Variants in EYA2 observed in about 807,000 individuals in gnomAD.
EYA2 encodes EYA transcriptional coactivator and phosphatase 2, also known as protein phosphatase EYA2.
Under a neutral mutation model 69.2 loss-of-function variants are expected in EYA2, and 31 were observed. That is an observed-to-expected ratio of 0.45 (90% CI 0.34 to 0.60). The LOEUF (loss-of-function observed/expected upper bound fraction) is 0.60. Among genes scored for constraint, EYA2 ranks in the 20% least tolerant of loss-of-function variants. The pLI, the probability that EYA2 is intolerant of heterozygous loss-of-function variation, is 0.02. For missense variants in EYA2, 622 were observed against 701.2 expected, an observed-to-expected ratio of 0.89 and a Z score of 1.28; for synonymous variants, 257 against 279.4, an observed-to-expected ratio of 0.92 and a Z score of 0.80.
chr20:47,165,773 C>T (rs1226156669), intron 10 of EYA2, among the ~76,000 whole-genome samples: 2 of 152,176 alleles, frequency 1.3e-5, no homozygotes, highest in Non-Finnish European at 1.5e-5. Flanking sequence ...CCAGCAGCCA[C>T]ACTACCCCCT....
chr20:47,014,527 T>C lies in EYA2; in HGVS notation c.299-1654T>C, dbSNP rs139202876. Among the ~76,000 whole-genome samples the C allele has an allele frequency of 1.0e-3, 155 of 152,218 alleles. 1 individual carries two copies. The highest frequency in any genetic ancestry group is 3.7e-3 in the African/African-American group (152 of 41,554). Reference sequence around the variant, plus strand: ...GTCACCTACAATCTAGGGAGCACCATTCAGCAACATCCAAGAAGATTTAAG... The same window carrying C: ...GTCACCTACAATCTAGGGAGCACCACTCAGCAACATCCAAGAAGATTTAAG... On this transcript the variant is annotated intron_variant, in intron 4 of 15. Coordinates refer to ENST00000327619, the MANE Select transcript of EYA2 (RefSeq NM_005244.5).
chr20:47,164,484 G>A (rs1018777377), intron 10 of EYA2, among the ~76,000 whole-genome samples: 2 of 152,142 alleles, frequency 1.3e-5, no homozygotes, highest in African/African-American at 4.8e-5. Flanking sequence ...GGGGGCGGAG[G>A]GGGTGTTTTT....
intron 1 of EYA2, among the ~76,000 whole-genome samples, chr20:46,953,266 C>G (rs1156549652): frequency 2.0e-5 from 3 of 152,096 alleles, no homozygotes; most frequent in Admixed American, 2.0e-4. Context: ...CATGGGGATG[C>G]TGGGGTCTGA....
At chr20:47,117,629 C>T in intron 9 of EYA2, 1 of 985,364 alleles carries the variant, frequency 1.0e-6, no homozygotes, top group Non-Finnish European at 1.2e-6. Context: ...TACTGCTTTA[C>T]AAACTGAGAA....
chr20:47,108,485 T>A (rs921051817), intron 9 of EYA2, among the ~76,000 whole-genome samples: 1 of 152,270 alleles, frequency 6.6e-6, no homozygotes, highest in African/African-American at 2.4e-5. Context: ...CTCTTTTCTT[T>A]ATCAATTCCC....
At chr20:47,162,350 T>C (rs1568818182) in intron 10 of EYA2, among the ~76,000 whole-genome samples, 1 of 152,154 alleles carries the variant, frequency 6.6e-6, no homozygotes, top group Non-Finnish European at 1.5e-5. Flanking sequence ...ACTACATATA[T>C]AGAAAGTGCT....
intron 9 of EYA2, among the ~76,000 whole-genome samples, chr20:47,121,117 CAG>C (rs1384820859): frequency 5.3e-5 from 8 of 152,102 alleles, no homozygotes; most frequent in African/African-American, 1.7e-4. Context: ...TTCTTTGAGA[CAG>C]AGTCTTTCTC....
intron 5 of EYA2, among the ~76,000 whole-genome samples, chr20:47,021,086 G>C (rs1401367575): frequency 6.6e-6 from 1 of 152,172 alleles, no homozygotes; most frequent in African/African-American, 2.4e-5. Context: ...TAATGTATGT[G>C]AAGTGTTTAG....
At chr20:47,123,322 C>G (rs1006115089) in intron 9 of EYA2, among the ~76,000 whole-genome samples, 2 of 152,154 alleles carry the variant, frequency 1.3e-5, no homozygotes, top group African/African-American at 4.8e-5. Flanking sequence ...TATCCTCCTT[C>G]TAGCTATTTG....
intron 7 of EYA2, among the ~76,000 whole-genome samples, chr20:47,087,768 T>C (rs1329552780): frequency 6.6e-6 from 1 of 152,214 alleles, no homozygotes; most frequent in African/African-American, 2.4e-5. Context: ...CATTCTGTGC[T>C]GCGTCTCTCA....
intron 2 of EYA2, among the ~76,000 whole-genome samples, chr20:46,999,478 C>G (rs190622415): frequency 1.3e-5 from 2 of 152,154 alleles, no homozygotes; most frequent in Admixed American, 6.5e-5. Flanking sequence ...ATACATGATG[C>G]GAAATATATT....
At chr20:47,018,859 A>T (rs1265941713) in intron 5 of EYA2, among the ~76,000 whole-genome samples, 1 of 151,920 alleles carries the variant, frequency 6.6e-6, no homozygotes, top group Non-Finnish European at 1.5e-5. Context: ...TGGGATTCAG[A>T]CTCCAGTTTC....
At chr20:47,151,264 G>A (rs566830300) in intron 10 of EYA2, among the ~76,000 whole-genome samples, 2 of 151,792 alleles carry the variant, frequency 1.3e-5, no homozygotes, top group Non-Finnish European at 2.9e-5. Flanking sequence ...CCAGCTACTC[G>A]GTAGGCTGAG....
intron 9 of EYA2, among the ~76,000 whole-genome samples, chr20:47,132,968 T>C (rs879825741): frequency 6.6e-6 from 1 of 152,202 alleles, no homozygotes; most frequent in Non-Finnish European, 1.5e-5. Context: ...GCAGGCCTTG[T>C]CTATGCCGCA....
intron 1 of EYA2, among the ~76,000 whole-genome samples, chr20:46,985,985 T>C (rs1981155885): frequency 6.6e-6 from 1 of 152,168 alleles, no homozygotes; most frequent in South Asian, 2.1e-4. Flanking sequence ...TTTAACCTCA[T>C]TGTTTATTTT....
At chr20:47,072,918 T>A (rs2031369574) in intron 6 of EYA2, among the ~76,000 whole-genome samples, 1 of 152,224 alleles carries the variant, frequency 6.6e-6, no homozygotes, top group South Asian at 2.1e-4. Flanking sequence ...CATATTTAGA[T>A]CTGAGGAATA....
At chr20:47,026,628 A>G (rs957266084) in intron 5 of EYA2, among the ~76,000 whole-genome samples, 7 of 152,250 alleles carry the variant, frequency 4.6e-5, no homozygotes, top group African/African-American at 1.7e-4. Context: ...AACCTGCTCC[A>G]GGATGTGGTT....
intron 1 of EYA2, chr20:46,978,508 G>A (rs1043676711): frequency 3.8e-6 from 2 of 522,126 alleles, no homozygotes; most frequent in Non-Finnish European, 7.9e-6. Flanking sequence ...GGAGTGTGGA[G>A]CGAGAGAAAG....
chr20:46,934,374 C>T (rs1243916020), intron 1 of EYA2, among the ~76,000 whole-genome samples: 2 of 146,038 alleles, frequency 1.4e-5, no homozygotes, highest in African/African-American at 5.0e-5. Flanking sequence ...GTGGTGGTCC[C>T]CAGCCCTTCT....
Sources: gnomAD v4.1 joint callset for allele counts (sites outside exome capture counted in the v4.1 genomes callset) on GRCh38, gnomAD v4.1.1 for gene constraint, MANE v1.5 for transcripts, NCBI Gene and HGNC (gene_info 2026-07-23, HGNC 2026-07-21) for gene names.